MARCHF1: variants seen among roughly 807,000 people sequenced by gnomAD.
MARCHF1 encodes the protein E3 ubiquitin-protein ligase MARCHF1.
MARCHF1 carries 40 observed loss-of-function variants against 54.2 expected under a neutral mutation model. The observed-to-expected ratio is 0.74, with a 90% confidence interval of 0.57 to 0.96. The LOEUF is 0.96. Among genes scored for constraint, MARCHF1 ranks in the 40% least tolerant of loss-of-function variants. MARCHF1 has a pLI of 0.00. For synonymous variants in MARCHF1, 236 were observed against 236.3 expected (o/e 1.00, Z 0.01); for missense variants, 586 against 656.5 (o/e 0.89, Z 1.17).
chr4:163,676,185 C>CAAAAAAAAAAA (rs869219643), intron 5 of MARCHF1, among the ~76,000 whole-genome samples: 6 of 89,254 alleles, frequency 6.7e-5, no homozygotes, highest in African/African-American at 2.3e-4. Flanking sequence ...ACTAAAAATA[C>CAAAAAAAAAAA]AAAAAAAAAA....
At position 163,612,946 on chromosome 4, in the gene MARCHF1, T is replaced by C. The variant is rs562084464; in HGVS notation, c.335A>G (p.Lys112Arg). The change falls in exon 7 of 10, where the codon AAA becomes AGA. Residue 112 changes from lysine (K) to arginine (R), a missense_variant. Lys to Arg is a conservative substitution (Grantham distance 26, BLOSUM62 2). Coordinates refer to ENST00000514618, the MANE Select transcript of MARCHF1 (RefSeq NM_001394959.1). ...LSPARKESGK[K>R]SVIQRPRRRR... ...CCTCCTAGGTCTTTGTATTACTGAT[T>C]TCTTACCAGACTCCTTCCTAGCAGG... 1,542 of 1,535,106 alleles carry C rather than the reference T, an allele frequency of 1.0e-3. 20 individuals carry two copies. In the South Asian group the frequency reaches 0.017, roughly 17 times the overall value.
intron 4 of MARCHF1, among the ~76,000 whole-genome samples, chr4:163,812,529 G>A (rs182769110): frequency 6.6e-5 from 10 of 152,152 alleles, no homozygotes; most frequent in South Asian, 2.1e-4. Context: ...AAGTCAAGGC[G>A]GGTGGATCAC....
intron 1 of MARCHF1, chr4:164,189,460 G>C (rs1731065861): frequency 1.1e-5 from 8 of 707,716 alleles, no homozygotes; most frequent in Non-Finnish European, 2.1e-5. Flanking sequence ...TGTTGTTCTT[G>C]GTGGCTCTAC....
intron 3 of MARCHF1, among the ~76,000 whole-genome samples, chr4:163,923,912 T>C (rs1344378981): frequency 1.1e-5 from 1 of 87,936 alleles, no homozygotes; most frequent in East Asian, 3.7e-4. Flanking sequence ...AATAAATGGA[T>C]ACTTTATTTT....
intron 7 of MARCHF1, among the ~76,000 whole-genome samples, chr4:163,590,861 G>C (rs1269666168): frequency 6.6e-6 from 1 of 151,896 alleles, no homozygotes; most frequent in Non-Finnish European, 1.5e-5. Flanking sequence ...TGTAAAAAAT[G>C]TTGGGAAACA....
chr4:164,332,091 T>C (rs1196397205), intron 1 of MARCHF1, among the ~76,000 whole-genome samples: 1 of 152,180 alleles, frequency 6.6e-6, no homozygotes, highest in Non-Finnish European at 1.5e-5. Flanking sequence ...TGTCTGTTCC[T>C]ATTAAAGTTA....
At chr4:163,894,616 T>TATGCATGTGATGCATATATATAC (rs1750740166) in intron 3 of MARCHF1, among the ~76,000 whole-genome samples, 1 of 143,762 alleles carries the variant, frequency 7.0e-6, no homozygotes, top group Admixed American at 6.9e-5. Flanking sequence ...CATATATATA[T>TATGCATGTGATGCATATATATAC]ATGCATGTGA....
chr4:163,863,219 T>C lies in MARCHF1; in HGVS notation c.-38-9050A>G, dbSNP rs1345973566. ...GGAAAGCAGGCTGTGAAAAATACAATCTACATATATTATGAATTATAGAAC... is the reference window on the plus strand; with the variant it reads ...GGAAAGCAGGCTGTGAAAAATACAACCTACATATATTATGAATTATAGAAC... On this transcript the variant is annotated intron_variant, in intron 3 of 9. Coordinates refer to ENST00000514618, the MANE Select transcript of MARCHF1 (RefSeq NM_001394959.1). 3.1e-4 allele frequency among the ~76,000 whole-genome samples: 47 copies of C among 151,992 alleles called. 1 individual carries two copies. The highest frequency in any genetic ancestry group is 3.1e-3 in the Admixed American group (47 of 15,234).
intron 1 of MARCHF1, among the ~76,000 whole-genome samples, chr4:164,146,679 G>A (rs1033747208): frequency 1.3e-5 from 2 of 151,878 alleles, no homozygotes; most frequent in African/African-American, 4.8e-5. Flanking sequence ...AATTCAAGAT[G>A]GATTAAAGAC....
rs896176572 is a variant in MARCHF1 at position 164,347,105 on chromosome 4, A to G, written c.-323+36765T>C. 1.4e-4 allele frequency among the ~76,000 whole-genome samples: 21 copies of G among 152,056 alleles called. 1 individual carries two copies. Among genetic ancestry groups the G allele is most frequent in the Non-Finnish European group, 2.9e-5 (2 of 68,002 alleles). On this transcript the variant is annotated intron_variant, in intron 1 of 9. Coordinates refer to ENST00000514618, the MANE Select transcript of MARCHF1 (RefSeq NM_001394959.1). ...ATGTTTCCCAAACACATTGAACTGA[A>G]TCCGGCCATAGTTGGTACTCCACAT...
chr4:163,879,037 T>C (rs571479249), intron 3 of MARCHF1, among the ~76,000 whole-genome samples: 2 of 152,332 alleles, frequency 1.3e-5, no homozygotes, highest in Middle Eastern at 3.4e-3. Flanking sequence ...ATATTAAGTA[T>C]TGAATCATTA....
chr4:163,546,151 T>C (rs1393165431), intron 8 of MARCHF1, among the ~76,000 whole-genome samples: 2 of 152,084 alleles, frequency 1.3e-5, no homozygotes, highest in Non-Finnish European at 2.9e-5. Context: ...TTTTTTTATG[T>C]ATTTGTAGAT....
chr4:163,903,892 A>G (rs1750998508), intron 3 of MARCHF1, among the ~76,000 whole-genome samples: 1 of 152,196 alleles, frequency 6.6e-6, no homozygotes, highest in African/African-American at 2.4e-5. Context: ...CTAGTATTAC[A>G]GGCATGAGCC....
intron 1 of MARCHF1, among the ~76,000 whole-genome samples, chr4:164,126,157 C>T (rs1197934561): frequency 1.3e-5 from 2 of 152,158 alleles, no homozygotes; most frequent in African/African-American, 4.8e-5. Context: ...AAAATTCGTA[C>T]ATTGAAATCT....
At chr4:163,578,521 A>G (rs765851085) in intron 8 of MARCHF1, among the ~76,000 whole-genome samples, 7 of 152,224 alleles carry the variant, frequency 4.6e-5, no homozygotes, top group Non-Finnish European at 7.4e-5. Flanking sequence ...TTCTCTCCCC[A>G]GTAGTGTCCT....
chr4:163,690,942 G>A (rs528567545), intron 5 of MARCHF1, among the ~76,000 whole-genome samples: 1 of 152,312 alleles, frequency 6.6e-6, no homozygotes, highest in South Asian at 2.1e-4. Flanking sequence ...CCAAAGCGCT[G>A]GCTGTGGGAA....
chr4:163,717,028 T>C (rs1295265345), intron 4 of MARCHF1, among the ~76,000 whole-genome samples: 2 of 152,052 alleles, frequency 1.3e-5, no homozygotes, highest in African/African-American at 2.4e-5. Context: ...TAAGTTTTAG[T>C]GTACATGTGC....
intron 8 of MARCHF1, among the ~76,000 whole-genome samples, chr4:163,573,766 T>C (rs1178536346): frequency 1.3e-5 from 2 of 152,054 alleles, no homozygotes; most frequent in African/African-American, 4.8e-5. Flanking sequence ...AGTGCCACAA[T>C]AAACATACGT....
At chr4:164,338,789 A>G (rs1394566498) in intron 1 of MARCHF1, among the ~76,000 whole-genome samples, 1 of 152,148 alleles carries the variant, frequency 6.6e-6, no homozygotes, top group Non-Finnish European at 1.5e-5. Context: ...CCTTACCACC[A>G]TGGAGAAACC....
Sources: gnomAD v4.1 joint callset for allele counts (sites outside exome capture counted in the v4.1 genomes callset) on GRCh38, gnomAD v4.1.1 for gene constraint, MANE v1.5 for transcripts, NCBI Gene and HGNC (gene_info 2026-07-23, HGNC 2026-07-21) for gene names.